Variants in SLC35F4 observed in about 807,000 individuals in gnomAD.
The protein encoded by SLC35F4 is chromosome 14 open reading frame 36.
In SLC35F4, 24 loss-of-function variants were observed where a neutral mutation model predicts 44.2. That is an observed-to-expected ratio of 0.54 (90% CI 0.39 to 0.76). The LOEUF (loss-of-function observed/expected upper bound fraction) is 0.76, where lower values mean the gene tolerates loss of function less well. Ranked by LOEUF, SLC35F4 falls within the 30% of genes least tolerant of loss-of-function variation. SLC35F4 has a pLI of 0.00. For missense variants in SLC35F4, 562 were observed against 586.1 expected, an observed-to-expected ratio of 0.96 and a Z score of 0.42; for synonymous variants, 238 against 223.6, an observed-to-expected ratio of 1.06 and a Z score of -0.57.
chr14:57,644,426 G>A (rs1242375253), intron 1 of SLC35F4, among the ~76,000 whole-genome samples: 2 of 151,196 alleles, frequency 1.3e-5, no homozygotes, highest in Admixed American at 6.6e-5. Context: ...CTTTTGAGAA[G>A]TGTCTGTTCA....
chr14:57,636,805 GT>G (rs1270383352), intron 1 of SLC35F4, among the ~76,000 whole-genome samples: 1 of 151,978 alleles, frequency 6.6e-6, no homozygotes, highest in African/African-American at 2.4e-5. Flanking sequence ...GAGCATACTA[GT>G]TTTCTATTTG....
At chr14:57,678,715 G>C (rs989950529) in intron 1 of SLC35F4, among the ~76,000 whole-genome samples, 1 of 151,692 alleles carries the variant, frequency 6.6e-6, no homozygotes, top group South Asian at 2.1e-4. Flanking sequence ...AAGAAAGCAG[G>C]GTTTGCAATC....
At chr14:57,581,726 C>G (rs238387) in intron 3 of SLC35F4, among the ~76,000 whole-genome samples, 91,207 of 151,734 alleles carry the variant, frequency 0.6, 27,821 homozygotes, top group East Asian at 0.87. Flanking sequence ...GAAGAGCCTG[C>G]AGAAATACCG....
Position 57,618,493 on chromosome 14 carries a change from G to T in SLC35F4, c.104-24369C>A, listed in dbSNP as rs568598075. Among the ~76,000 whole-genome samples, 69 of 152,234 alleles carry T rather than the reference G, an allele frequency of 4.5e-4. 1 individual carries two copies. Among genetic ancestry groups the T allele is most frequent in the African/African-American group, 1.7e-3 (69 of 41,544 alleles). ...CGGGAGGAACTGTACTGTGAGGAAC[G>T]GTGCACTCTGGCCCAGATACTGCGC... On this transcript the variant is annotated intron_variant, in intron 1 of 7. Coordinates refer to ENST00000556826, the MANE Select transcript of SLC35F4 (RefSeq NM_001306087.2).
chr14:57,746,363 T>C (rs1224694632), intron 1 of SLC35F4, among the ~76,000 whole-genome samples: 3 of 152,224 alleles, frequency 2.0e-5, no homozygotes, highest in Non-Finnish European at 2.9e-5. Flanking sequence ...CTTTTCATAA[T>C]AAATAGTGGT....
intron 1 of SLC35F4, among the ~76,000 whole-genome samples, chr14:57,962,086 A>T: frequency 6.6e-6 from 1 of 152,236 alleles, no homozygotes; most frequent in Non-Finnish European, 1.5e-5. Context: ...TGCAGCTGGA[A>T]TCTCAACTCA....
chr14:57,721,181 A>G (rs574855941), intron 1 of SLC35F4, among the ~76,000 whole-genome samples: 1 of 151,742 alleles, frequency 6.6e-6, no homozygotes, highest in South Asian at 2.1e-4. Flanking sequence ...TGCTTGCTTA[A>G]TATGATTAGA....
intron 1 of SLC35F4, among the ~76,000 whole-genome samples, chr14:57,968,780 G>A (rs890201819): frequency 1.3e-5 from 2 of 152,020 alleles, no homozygotes; most frequent in African/African-American, 4.8e-5. Flanking sequence ...CACAACTGCT[G>A]GAACATAGTA....
intron 1 of SLC35F4, among the ~76,000 whole-genome samples, chr14:57,812,784 C>T (rs1882119488): frequency 6.6e-6 from 1 of 152,250 alleles, no homozygotes; most frequent in African/African-American, 2.4e-5. Flanking sequence ...TGACTTTTCT[C>T]AAGTCATGAC....
chr14:57,777,368 G>C (rs2077513661), intron 1 of SLC35F4, among the ~76,000 whole-genome samples: 1 of 152,152 alleles, frequency 6.6e-6, no homozygotes, highest in Admixed American at 6.5e-5. Flanking sequence ...CAAAGACTTG[G>C]AACCAACCCA....
chr14:57,744,929 T>G (rs2076715527), intron 1 of SLC35F4, among the ~76,000 whole-genome samples: 1 of 152,006 alleles, frequency 6.6e-6, no homozygotes, highest in African/African-American at 2.4e-5. Context: ...CCCTCAGAAA[T>G]AATACCACAC....
At chr14:57,630,091 G>A in intron 1 of SLC35F4, 1 of 544,244 alleles carries the variant, frequency 1.8e-6, no homozygotes, top group Non-Finnish European at 3.7e-6. Context: ...TGTTTGTGAT[G>A]CTGAAGATGC....
At chr14:57,606,500 C>A (rs2071174082) in intron 1 of SLC35F4, among the ~76,000 whole-genome samples, 2 of 152,182 alleles carry the variant, frequency 1.3e-5, no homozygotes, top group South Asian at 4.1e-4. Context: ...ACCCTGTTTG[C>A]TTTTATTAAG....
chr14:57,911,258 A>G (rs949961552), intron 1 of SLC35F4, among the ~76,000 whole-genome samples: 2 of 151,880 alleles, frequency 1.3e-5, no homozygotes, highest in African/African-American at 4.8e-5. Context: ...TTTCCTTCCT[A>G]ATCTATATAT....
intron 1 of SLC35F4, among the ~76,000 whole-genome samples, chr14:57,850,360 G>A (rs949489194): frequency 1.3e-5 from 2 of 152,172 alleles, no homozygotes; most frequent in East Asian, 1.9e-4. Context: ...TGTCTTGAAA[G>A]TAAAAGTCAA....
intron 1 of SLC35F4, among the ~76,000 whole-genome samples, chr14:57,689,942 A>G (rs1324526018): frequency 2.0e-5 from 3 of 152,210 alleles, no homozygotes; most frequent in Non-Finnish European, 4.4e-5. Context: ...TTTAGCATGT[A>G]ACCACTTTGT....
chr14:57,652,617 C>A (rs1222707753), intron 1 of SLC35F4, among the ~76,000 whole-genome samples: 1 of 151,848 alleles, frequency 6.6e-6, no homozygotes, highest in Non-Finnish European at 1.5e-5. Flanking sequence ...GCCTACAGTG[C>A]AGAGGATAGT....
intron 1 of SLC35F4, among the ~76,000 whole-genome samples, chr14:57,874,883 G>A (rs1320300098): frequency 1.3e-5 from 2 of 152,086 alleles, no homozygotes; most frequent in Non-Finnish European, 2.9e-5. Flanking sequence ...TCCAAAGTTT[G>A]TGTGAGTTAT....
intron 1 of SLC35F4, among the ~76,000 whole-genome samples, chr14:57,730,762 A>G (rs1036246497): frequency 2.6e-5 from 4 of 152,100 alleles, no homozygotes; most frequent in Admixed American, 6.6e-5. Context: ...TTCTGCAGCG[A>G]CAGGTACCTG....
Sources: allele counts gnomAD v4.1 joint callset (sites outside exome capture counted in the v4.1 genomes callset), GRCh38; gene constraint gnomAD v4.1.1; transcripts MANE v1.5; gene names NCBI Gene and HGNC (gene_info 2026-07-23, HGNC 2026-07-21).